The following IQSEC1 variants were observed in gnomAD, a reference collection of about 807,000 sequenced individuals.
IQSEC1 encodes IQ motif and SEC7 domain-containing protein 1.
In IQSEC1, 31 loss-of-function variants were observed where a neutral mutation model predicts 91.0. That is an observed-to-expected ratio of 0.34 (90% CI 0.26 to 0.46). The LOEUF is 0.46. Ranked by LOEUF, IQSEC1 falls within the 20% of genes least tolerant of loss-of-function variation. The probability of loss-of-function intolerance (pLI) is 1.00; values close to 1 mark genes in which losing one functional copy is unlikely to be tolerated. For synonymous variants in IQSEC1, 699 were observed against 662.6 expected (o/e 1.05, Z -0.84); for missense variants, 1,388 against 1,575.6 (o/e 0.88, Z 2.02).
intron 6 of IQSEC1, among the ~76,000 whole-genome samples, chr3:12,919,489 C>A (rs1362165870): frequency 1.3e-5 from 2 of 152,172 alleles, no homozygotes; most frequent in African/African-American, 2.4e-5. Context: ...CACCTGGAGA[C>A]CCCGGAGTAG....
intron 2 of IQSEC1, among the ~76,000 whole-genome samples, chr3:13,159,952 G>T (rs1394030398): frequency 2.6e-5 from 4 of 152,072 alleles, no homozygotes; most frequent in African/African-American, 9.7e-5. Flanking sequence ...TAAATCATTA[G>T]AAGATTCACA....
intron 1 of IQSEC1, chr3:13,015,629 T>A: frequency 1.0e-6 from 1 of 985,298 alleles, no homozygotes; most frequent in Non-Finnish European, 1.2e-6. Flanking sequence ...GTGCCTGGCC[T>A]GCCTCTGCGG....
chr3:12,993,738 G>C (rs360838), intron 1 of IQSEC1, among the ~76,000 whole-genome samples: 3,818 of 152,360 alleles, frequency 0.025, 63 homozygotes, highest in Middle Eastern at 0.044. Context: ...CGACACCGCA[G>C]AGCCCAGCTC....
intron 1 of IQSEC1, among the ~76,000 whole-genome samples, chr3:13,267,733 T>C (rs1375348571): frequency 6.6e-6 from 1 of 151,534 alleles, no homozygotes; most frequent in Non-Finnish European, 1.5e-5. Flanking sequence ...TTCTCCTGCC[T>C]CAGCCTCCCA....
At chr3:13,204,395 T>G (rs1435550630) in intron 1 of IQSEC1, among the ~76,000 whole-genome samples, 1 of 152,224 alleles carries the variant, frequency 6.6e-6, no homozygotes, top group African/African-American at 2.4e-5. Flanking sequence ...CCGCCCCACA[T>G]CGGCCGAGGT....
chr3:13,064,192 T>G (rs992057920), intron 1 of IQSEC1, among the ~76,000 whole-genome samples: 1 of 152,112 alleles, frequency 6.6e-6, no homozygotes, highest in African/African-American at 2.4e-5. Context: ...TGCATAGAAC[T>G]AAACACACGC....
At chr3:13,095,754 T>G (rs1576247663) in intron 2 of IQSEC1, among the ~76,000 whole-genome samples, 1 of 152,292 alleles carries the variant, frequency 6.6e-6, no homozygotes, top group Non-Finnish European at 1.5e-5. Flanking sequence ...GGGCTCCAGA[T>G]GCAGCAGGAC....
chr3:13,265,124 TG>T (rs1409368174), intron 1 of IQSEC1, among the ~76,000 whole-genome samples: 6 of 152,210 alleles, frequency 3.9e-5, no homozygotes. Context: ...CCCCTCAACC[TG>T]TCCAAGTGAA....
chr3:13,078,855 C>T (rs1256526245), intron 2 of IQSEC1, among the ~76,000 whole-genome samples: 8 of 152,218 alleles, frequency 5.3e-5, no homozygotes, highest in Admixed American at 1.3e-4. Flanking sequence ...TTGTGCCAAC[C>T]GCCCTTCTGC....
intron 1 of IQSEC1, among the ~76,000 whole-genome samples, chr3:12,965,542 T>G: frequency 6.6e-6 from 1 of 152,238 alleles, no homozygotes. Context: ...GCGTGAACTA[T>G]GGGCTACACC....
chr3:12,955,505 C>T (rs1699846684), intron 1 of IQSEC1, among the ~76,000 whole-genome samples: 2 of 152,246 alleles, frequency 1.3e-5, no homozygotes, highest in South Asian at 4.1e-4. Flanking sequence ...GCCAGGGCCT[C>T]TGCCTGGTGA....
chr3:13,042,301 A>T (rs1704304736), intron 1 of IQSEC1: 1 of 152,266 alleles, frequency 6.6e-6, no homozygotes, highest in Non-Finnish European at 1.5e-5. Context: ...TGTAGGCTCC[A>T]TGCAGGGGCT....
At chr3:13,175,968 A>T (rs1172835001) in intron 1 of IQSEC1, among the ~76,000 whole-genome samples, 1 of 152,246 alleles carries the variant, frequency 6.6e-6, no homozygotes, top group African/African-American at 2.4e-5. Context: ...CTGGGGGCAC[A>T]CAAGCACCCA....
chr3:12,985,242 C>A (rs1701670774), intron 1 of IQSEC1, among the ~76,000 whole-genome samples: 1 of 152,170 alleles, frequency 6.6e-6, no homozygotes, highest in Admixed American at 6.5e-5. Flanking sequence ...GAAGGGGGCA[C>A]ACCCTCAGCC....
chr3:13,162,767 C>T (rs138366213), intron 2 of IQSEC1, among the ~76,000 whole-genome samples: 26 of 152,320 alleles, frequency 1.7e-4, no homozygotes, highest in African/African-American at 6.0e-4. Flanking sequence ...AGTCTCCCCT[C>T]CTCCTCCTCA....
At chr3:13,234,530 C>T (rs925897076) in intron 1 of IQSEC1, among the ~76,000 whole-genome samples, 1 of 152,220 alleles carries the variant, frequency 6.6e-6, no homozygotes, top group Non-Finnish European at 1.5e-5. Context: ...CTAAGTACCC[C>T]CCTACCCCAT....
chr3:13,252,717 TG>T (rs111313097), intron 1 of IQSEC1, among the ~76,000 whole-genome samples: 15,359 of 146,276 alleles, frequency 0.1, 1,331 homozygotes, highest in African/African-American at 0.26. Context: ...TTATTATCTA[TG>T]TTTTTTTTTG....
Position 13,073,059 on chromosome 3 carries a change from G to C in IQSEC1, c.-45C>G. On this transcript the variant is annotated 5_prime_UTR_variant, in exon 1 of 14. Coordinates refer to ENST00000613206, the MANE Select transcript of IQSEC1 (RefSeq NM_001134382.3). ...CCCTGTTCTGGCTCCCTCTCCAGCG[G>C]GGAGGCTCAACGTGTTTCCAAGAGG... 2 of 1,551,494 alleles carry C rather than the reference G, an allele frequency of 1.3e-6. No individual in the cohort carries two copies. Among genetic ancestry groups the C allele is most frequent in the South Asian group, 1.2e-5 (1 of 84,040 alleles).
At chr3:13,254,057 G>A (rs1329446811) in intron 1 of IQSEC1, among the ~76,000 whole-genome samples, 2 of 152,272 alleles carry the variant, frequency 1.3e-5, no homozygotes, top group Admixed American at 6.5e-5. Context: ...TGTCGCATCT[G>A]AGGACAGAGG....
Sources: allele counts gnomAD v4.1 joint callset (sites outside exome capture counted in the v4.1 genomes callset), GRCh38; gene constraint gnomAD v4.1.1; transcripts MANE v1.5; gene names NCBI Gene and HGNC (gene_info 2026-07-23, HGNC 2026-07-21).